Variants in GATAD2B observed in about 807,000 individuals in gnomAD.
GATAD2B encodes the protein transcriptional repressor p66-beta.
In GATAD2B, 8 loss-of-function variants were observed where a neutral mutation model predicts 64.3. That is an observed-to-expected ratio of 0.12 (90% CI 0.07 to 0.22). The LOEUF (loss-of-function observed/expected upper bound fraction) is 0.22, where lower values mean the gene tolerates loss of function less well. Ranked by LOEUF, GATAD2B falls within the 10% of genes least tolerant of loss-of-function variation. The pLI, the probability that GATAD2B is intolerant of heterozygous loss-of-function variation, is 1.00. For synonymous variants in GATAD2B, 281 were observed against 271.3 expected (o/e 1.04, Z -0.35); for missense variants, 453 against 752.0 (o/e 0.60, Z 4.65).
intron 4 of GATAD2B, 74 bp downstream of exon 4, chr1:153,818,717 C>T (rs1674571781): frequency 2.9e-6 from 4 of 1,398,332 alleles, no homozygotes; most frequent in Non-Finnish European, 9.9e-7. Flanking sequence ...CCAACTGAAC[C>T]TACCTGGGGG....
chr1:153,896,934 A>T (rs1362084967), intron 1 of GATAD2B, among the ~76,000 whole-genome samples: 1 of 152,198 alleles, frequency 6.6e-6, no homozygotes, highest in African/African-American at 2.4e-5. Context: ...CCATTTTTGA[A>T]GGATCTTTTC....
rs774540720 is a variant in GATAD2B, at chr1:153,818,750, T to C, written c.597+41A>G. On this transcript the variant is annotated intron_variant, in intron 4 of 10. Coordinates refer to ENST00000368655, the MANE Select transcript of GATAD2B (RefSeq NM_020699.4). ...GGGAACCTACTCTCAAACCAGTTTT[T>C]CTTTCCTTTCCCTTAGTCCCTTATT... is the stretch of plus-strand genomic sequence containing the variant. 3 of 1,595,626 alleles carry C rather than the reference T, an allele frequency of 1.9e-6. No homozygotes were observed. The East Asian group carries it at 6.7e-5, about 36-fold the overall frequency.
chr1:153,836,263 GTTTTTT>G (rs754264117), intron 1 of GATAD2B, among the ~76,000 whole-genome samples: 87 of 106,598 alleles, frequency 8.2e-4, no homozygotes, highest in African/African-American at 2.8e-3. Flanking sequence ...AAAAAAATTT[GTTTTTT>G]TTTTTTTTTT....
chr1:153,840,889 G>A lies in GATAD2B; in HGVS notation c.-1-12541C>T, dbSNP rs569650310. ...GCCTGTAATCCCAGCACTCTGGGAG[G>A]CCGAGGAGAGCGGATCATGTGGTCA... On this transcript the variant is annotated intron_variant, in intron 1 of 10. Transcript: ENST00000368655. 7.9e-5 allele frequency among the ~76,000 whole-genome samples: 12 copies of A among 152,172 alleles called. No homozygotes were observed. In the East Asian group the frequency reaches 1.5e-3, roughly 20 times the overall value.
At chr1:153,845,761 A>T (rs1442395615) in intron 1 of GATAD2B, among the ~76,000 whole-genome samples, 3 of 151,954 alleles carry the variant, frequency 2.0e-5, no homozygotes, top group East Asian at 3.9e-4. Context: ...CTATCTCAAA[A>T]AAATAAATAA....
chr1:153,818,985 G>A, intron 3 of GATAD2B, 63 bp from the exon 4 acceptor site: 1 of 1,540,232 alleles, frequency 6.5e-7, no homozygotes, highest in East Asian at 2.2e-5. Flanking sequence ...TCCTGCAAGA[G>A]ACAATCTTTA....
intron 7 of GATAD2B, among the ~76,000 whole-genome samples, chr1:153,815,292 A>G (rs1215893519): frequency 7.1e-6 from 1 of 140,366 alleles, no homozygotes; most frequent in Middle Eastern, 3.4e-3. Context: ...AAAAAAAAAA[A>G]CAAAAAAAAA....
At chr1:153,838,133 G>A (rs538032626) in intron 1 of GATAD2B, among the ~76,000 whole-genome samples, 2 of 152,250 alleles carry the variant, frequency 1.3e-5, no homozygotes, top group East Asian at 1.9e-4. Flanking sequence ...TACAACACAG[G>A]TCTAGCTCAT....
intron 10 of GATAD2B, 132 bp downstream of exon 10, chr1:153,811,599 G>C: frequency 1.4e-6 from 1 of 722,442 alleles, no homozygotes; most frequent in Non-Finnish European, 2.4e-6. Flanking sequence ...CTGAGTAACA[G>C]AAGAGTGAGA....
At chr1:153,907,946 A>T (rs952772320) in intron 1 of GATAD2B, among the ~76,000 whole-genome samples, 1 of 152,166 alleles carries the variant, frequency 6.6e-6, no homozygotes, top group African/African-American at 2.4e-5. Flanking sequence ...CTGGGATTAC[A>T]GGCATGCGCC....
intron 1 of GATAD2B, among the ~76,000 whole-genome samples, chr1:153,846,264 ACT>A (rs1282658855): frequency 2.0e-5 from 3 of 151,924 alleles, no homozygotes; most frequent in African/African-American, 7.3e-5. Context: ...AGACAGTCTC[ACT>A]CTGTCACCCA....
chr1:153,874,803 C>A (rs1268792625), intron 1 of GATAD2B, among the ~76,000 whole-genome samples: 2 of 151,906 alleles, frequency 1.3e-5, no homozygotes, highest in Non-Finnish European at 2.9e-5. Context: ...TCTTGAACTC[C>A]AGACATCAGG....
rs560256965 is a variant in GATAD2B, at chr1:153,888,515, G to A, written c.-2+34218C>T. On this transcript the variant is annotated intron_variant, in intron 1 of 10. Coordinates refer to ENST00000368655, the MANE Select transcript of GATAD2B (RefSeq NM_020699.4). Reference sequence around the variant, plus strand: ...ATTGCTGATTATTTTCATTCACTCCGATCTGTACCTTCCCTCTATCTTTGC... The same window carrying A: ...ATTGCTGATTATTTTCATTCACTCCAATCTGTACCTTCCCTCTATCTTTGC... 1.4e-4 allele frequency among the ~76,000 whole-genome samples: 22 copies of A among 152,244 alleles called. No individual in the cohort carries two copies. In the South Asian group the frequency reaches 3.5e-3, roughly 24 times the overall value.
At position 153,880,663 on chromosome 1, in the gene GATAD2B, G is replaced by A. The variant is rs554589877; in HGVS notation, c.-2+42070C>T. Among the ~76,000 whole-genome samples the A allele has an allele frequency of 2.6e-5, 4 of 151,776 alleles. No homozygotes were observed. The East Asian group carries it at 7.8e-4, about 30-fold the overall frequency. On this transcript the variant is annotated intron_variant, in intron 1 of 10. Transcript: ENST00000368655. ...GAGACCCACCAGCCTGGACAACACA[G>A]GAAGACCAAATTTCAATAAAAAATA...
Position 153,805,336 on chromosome 1 carries a change from C to T in GATAD2B, c.*4841G>A, listed in dbSNP as rs1407767520. ...TCACCAAGATGGGGGAAAAGTTACA[C>T]ATCCTGTAGCTCACAAAGGGAGTAA... On this transcript the variant is annotated 3_prime_UTR_variant, in exon 11 of 11. Transcript: ENST00000368655. The T allele has an allele frequency of 1.3e-5, 2 of 152,148 alleles. No homozygotes were observed. Among genetic ancestry groups the T allele is most frequent in the African/African-American group, 2.4e-5 (1 of 41,408 alleles). 9.4% of individuals were successfully genotyped at this position (152,148 alleles called of 1,614,324 possible).
chr1:153,810,215 G>C lies in GATAD2B; in HGVS notation c.1744C>G (p.Pro582Ala). The change falls in exon 11 of 11, where the codon CCC becomes GCC. Residue 582 changes from proline (P) to alanine (A), a missense_variant. Around this residue, in one of 2 missense-constraint regions of GATAD2B, gnomAD observed 160 missense variants for 334.7 expected, o/e 0.48. Coordinates refer to ENST00000368655, the MANE Select transcript of GATAD2B (RefSeq NM_020699.4). ...CTGATGGACTGCGATATAGACCGGG[G>C]AGGGATCATGTCTAAAAGGTATTCA... Reference protein sequence around the residue: ...QREYLLDMIPPRSISQSISGQ... With the variant: ...QREYLLDMIPARSISQSISGQ... The C allele has an allele frequency of 6.2e-7, 1 of 1,613,268 alleles. No individual in the cohort carries two copies. The highest frequency in any genetic ancestry group is 1.3e-5 in the African/African-American group (1 of 74,998).
At chr1:153,825,033 C>T (rs771627472) in intron 2 of GATAD2B, among the ~76,000 whole-genome samples, 13 of 151,744 alleles carry the variant, frequency 8.6e-5, no homozygotes, top group Non-Finnish European at 1.8e-4. Flanking sequence ...TTGCAGTGAA[C>T]GGACATCATG....
intron 1 of GATAD2B, among the ~76,000 whole-genome samples, chr1:153,847,969 A>C (rs1675746777): frequency 6.6e-6 from 1 of 152,150 alleles, no homozygotes; most frequent in South Asian, 2.1e-4. Context: ...ACTGTAAAAC[A>C]AACAAACATA....
chr1:153,834,759 T>C (rs1675212428), intron 1 of GATAD2B, among the ~76,000 whole-genome samples: 1 of 152,052 alleles, frequency 6.6e-6, no homozygotes. Flanking sequence ...CTTTGACAGG[T>C]TCAAGGTTTC....
Sources: gnomAD v4.1 joint callset for allele counts (sites outside exome capture counted in the v4.1 genomes callset) on GRCh38, gnomAD v4.1.1 for gene constraint, gnomAD v4.1.1 regional missense constraint, MANE v1.5 for transcripts, NCBI Gene and HGNC (gene_info 2026-07-23, HGNC 2026-07-21) for gene names.